The following ZNF804A variants were observed in gnomAD, a reference collection of about 807,000 sequenced individuals.
ZNF804A encodes the protein zinc finger protein 804A.
Under a neutral mutation model 16.5 loss-of-function variants are expected in ZNF804A, and 2 were observed. The ratio of observed to expected loss-of-function variants is 0.12; its 90% confidence interval spans 0.05 to 0.38. The LOEUF is 0.38. ZNF804A is among the 10% of genes least tolerant of loss of function. The pLI is 0.99. For missense variants in ZNF804A, 1,473 were observed against 1,390.7 expected, an observed-to-expected ratio of 1.06 and a Z score of -0.94; for synonymous variants, 534 against 489.6, an observed-to-expected ratio of 1.09 and a Z score of -1.20.
At chr2:184,905,412 T>G (rs554447849) in intron 2 of ZNF804A, among the ~76,000 whole-genome samples, 33 of 152,294 alleles carry the variant, frequency 2.2e-4, no homozygotes, top group African/African-American at 7.5e-4. Flanking sequence ...CAGCATTTTT[T>G]TTTAGATCTG....
intron 1 of ZNF804A, among the ~76,000 whole-genome samples, chr2:184,855,394 G>A (rs1003721323): frequency 5.3e-5 from 8 of 151,882 alleles, no homozygotes; most frequent in African/African-American, 1.9e-4. Flanking sequence ...CTGGAAAGAT[G>A]GACTTGATGA....
intron 1 of ZNF804A, among the ~76,000 whole-genome samples, chr2:184,804,394 C>T (rs979379412): frequency 4.6e-5 from 7 of 152,186 alleles, no homozygotes; most frequent in East Asian, 1.9e-4. Flanking sequence ...AAATTGTGTC[C>T]GGATGTATCT....
chr2:184,729,968 T>G (rs1693486232), intron 1 of ZNF804A, among the ~76,000 whole-genome samples: 1 of 152,130 alleles, frequency 6.6e-6, no homozygotes, highest in Non-Finnish European at 1.5e-5. Flanking sequence ...ATATGTGCCA[T>G]GGAAATTACT....
At chr2:184,670,880 C>G (rs540193573) in intron 1 of ZNF804A, among the ~76,000 whole-genome samples, 2 of 152,204 alleles carry the variant, frequency 1.3e-5, no homozygotes, top group South Asian at 4.1e-4. Context: ...CATTTGCCCT[C>G]TCTCTTCCCA....
chr2:184,688,156 A>G (rs564567611), intron 1 of ZNF804A, among the ~76,000 whole-genome samples: 89 of 152,202 alleles, frequency 5.8e-4, no homozygotes, highest in Non-Finnish European at 9.6e-4. Flanking sequence ...AATTTTATAA[A>G]CATATAATAA....
intron 1 of ZNF804A, among the ~76,000 whole-genome samples, chr2:184,810,712 G>A (rs1251327856): frequency 6.6e-6 from 1 of 151,800 alleles, no homozygotes; most frequent in Admixed American, 6.6e-5. Context: ...GGATGGTCTC[G>A]ATCTCCTGAC....
chr2:184,629,887 G>A (rs983654165), intron 1 of ZNF804A, among the ~76,000 whole-genome samples: 3 of 152,088 alleles, frequency 2.0e-5, no homozygotes, highest in African/African-American at 7.2e-5. Flanking sequence ...GAGTGCTGGG[G>A]ATAAAAGTAT....
At chr2:184,933,303 C>T (rs1358744549) in intron 2 of ZNF804A, among the ~76,000 whole-genome samples, 2 of 152,096 alleles carry the variant, frequency 1.3e-5, no homozygotes, top group African/African-American at 4.8e-5. Context: ...ACGAATCCTT[C>T]ATCTGAATTA....
At chr2:184,900,240 T>TA (rs1440901797) in intron 2 of ZNF804A, among the ~76,000 whole-genome samples, 7 of 152,128 alleles carry the variant, frequency 4.6e-5, no homozygotes, top group African/African-American at 1.7e-4. Context: ...TGGTGGAAGA[T>TA]ATTAGTTCCC....
At chr2:184,721,281 A>G (rs1693310053) in intron 1 of ZNF804A, among the ~76,000 whole-genome samples, 1 of 152,170 alleles carries the variant, frequency 6.6e-6, no homozygotes, top group African/African-American at 2.4e-5. Flanking sequence ...CTGCACAGCA[A>G]AGAAAGCAAT....
intron 1 of ZNF804A, among the ~76,000 whole-genome samples, chr2:184,793,344 C>T (rs180950297): frequency 6.6e-5 from 10 of 152,214 alleles, no homozygotes; most frequent in African/African-American, 2.4e-4. Flanking sequence ...TTTGAGAAAC[C>T]TCCAAAGTGC....
At chr2:184,670,822 A>T (rs577924479) in intron 1 of ZNF804A, among the ~76,000 whole-genome samples, 37 of 151,868 alleles carry the variant, frequency 2.4e-4, no homozygotes, top group Admixed American at 2.1e-3. Flanking sequence ...GTTGGATTTT[A>T]GTATATTTGT....
At chr2:184,759,225 AT>A (rs1356394729) in intron 1 of ZNF804A, among the ~76,000 whole-genome samples, 1 of 151,630 alleles carries the variant, frequency 6.6e-6, no homozygotes, top group Non-Finnish European at 1.5e-5. Context: ...TGAAAAAAAA[AT>A]ATGGACACCT....
chr2:184,791,453 A>AT (rs1273819296), intron 1 of ZNF804A, among the ~76,000 whole-genome samples: 1 of 152,038 alleles, frequency 6.6e-6, no homozygotes, highest in African/African-American at 2.4e-5. Context: ...CTTGGCTAGT[A>AT]TTTTTTCTTA....
At chr2:184,672,426 A>G (rs1025311183) in intron 1 of ZNF804A, among the ~76,000 whole-genome samples, 21 of 152,174 alleles carry the variant, frequency 1.4e-4, no homozygotes, top group Admixed American at 6.5e-5. Flanking sequence ...CCCATGCCCT[A>G]CGTTTCTAAC....
intron 1 of ZNF804A, among the ~76,000 whole-genome samples, chr2:184,763,467 G>T (rs1299279133): frequency 6.6e-6 from 1 of 151,846 alleles, no homozygotes; most frequent in Non-Finnish European, 1.5e-5. Flanking sequence ...TTACTACTAA[G>T]ACTTCCTGCC....
chr2:184,753,002 T>C (rs983192983), intron 1 of ZNF804A, among the ~76,000 whole-genome samples: 2 of 151,416 alleles, frequency 1.3e-5, no homozygotes, highest in Non-Finnish European at 3.0e-5. Flanking sequence ...CTTTTACATA[T>C]AAGATCATGA....
At chr2:184,604,083 G>A (rs1441745374) in intron 1 of ZNF804A, among the ~76,000 whole-genome samples, 2 of 143,918 alleles carry the variant, frequency 1.4e-5, no homozygotes, top group East Asian at 4.2e-4. Context: ...TTTGAATAGC[G>A]ATATAATGTC....
chr2:184,613,785 G>A (rs1267157432), intron 1 of ZNF804A, among the ~76,000 whole-genome samples: 1 of 151,962 alleles, frequency 6.6e-6, no homozygotes, highest in African/African-American at 2.4e-5. Context: ...AAATAAGAGA[G>A]GACACAAACA....
Sources: gnomAD v4.1 joint callset for allele counts (sites outside exome capture counted in the v4.1 genomes callset) on GRCh38, gnomAD v4.1.1 for gene constraint, MANE v1.5 for transcripts, NCBI Gene and HGNC (gene_info 2026-07-23, HGNC 2026-07-21) for gene names.